Variants in ZNF517 observed in about 807,000 individuals in gnomAD.
The protein encoded by ZNF517 is zinc finger protein 517.
ZNF517 carries 12 observed loss-of-function variants against 12.1 expected under a neutral mutation model. That is an observed-to-expected ratio of 0.99 (90% CI 0.63 to 1.61). The LOEUF (loss-of-function observed/expected upper bound fraction) is 1.61, where lower values mean the gene tolerates loss of function less well. ZNF517 is among the 40% of genes most tolerant of loss of function. The pLI, the probability that ZNF517 is intolerant of heterozygous loss-of-function variation, is 0.00. For synonymous variants in ZNF517, 388 were observed against 310.2 expected, an observed-to-expected ratio of 1.25 and a Z score of -2.63; for missense variants, 781 against 693.2, an observed-to-expected ratio of 1.13 and a Z score of -1.42.
At chr8:144,800,445 T>TC in intron 1 of ZNF517, 7 of 975,478 alleles carry the variant, frequency 7.2e-6, no homozygotes, top group Non-Finnish European at 6.1e-6. Context: ...CCGCTCCTAG[T>TC]CCAAGTCCTA....
intron 2 of ZNF517, 138 bp from the exon 3 acceptor site, chr8:144,803,503 C>A: frequency 8.3e-7 from 1 of 1,211,298 alleles, no homozygotes; most frequent in Non-Finnish European, 1.2e-6. Context: ...TGTTGGGCTG[C>A]CCTTTCTCTG....
chr8:144,803,349 C>T, intron 2 of ZNF517: 1 of 477,862 alleles, frequency 2.1e-6, no homozygotes, highest in Non-Finnish European at 3.8e-6. Context: ...GGTGCTCCTT[C>T]CCCAAATCCC....
intron 4 of ZNF517, among the ~76,000 whole-genome samples, chr8:144,805,035 T>G (rs1282571509): frequency 2.0e-5 from 3 of 152,008 alleles, no homozygotes; most frequent in Admixed American, 6.6e-5. Flanking sequence ...CCACAAGAGG[T>G]GGTGGAGCAG....
At chr8:144,810,936 A>G (rs956417052), downstream of ZNF517, 28 of 152,646 alleles carry the variant, frequency 1.8e-4, no homozygotes, top group African/African-American at 6.7e-4. Flanking sequence ...ATCCAGCCCA[A>G]AGCACAAGCC....
At position 144,807,954 on chromosome 8, in the gene ZNF517, C is replaced by A. The variant is rs535860606; in HGVS notation, c.1038C>A (p.Asp346Glu). The change falls in exon 5 of 5, where the codon GAC becomes GAA. Residue 346 changes from aspartate to glutamate, a missense_variant. Coordinates refer to ENST00000359971, the MANE Select transcript of ZNF517 (RefSeq NM_213605.3). ...HRLHAQEGAQ[D>E]GGVGQGALLG... ...TGCACGCGCAGGAGGGTGCCCAGGA[C>A]GGCGGCGTGGGGCAGGGCGCCCTGC... 1.3e-5 allele frequency: 19 copies of A among 1,501,072 alleles called. No homozygotes were observed. The South Asian group carries it at 2.1e-4, about 17-fold the overall frequency. 93.0% of individuals were successfully genotyped at this position (1,501,072 alleles called of 1,614,324 possible).
At chr8:144,803,187 T>C (rs1827051461) in intron 2 of ZNF517, 2 of 565,530 alleles carry the variant, frequency 3.5e-6, no homozygotes, top group East Asian at 3.0e-5. Flanking sequence ...TGAGCTTCTA[T>C]GGTCAGCCAT....
Position 144,804,156 on chromosome 8 carries a change from C to G in ZNF517, c.192C>G (p.Ser64=), listed in dbSNP as rs1358976364. Residue 64 remains serine (S), a synonymous_variant, in exon 4 of 5, where the codon TCC becomes TCG. Transcript: ENST00000359971. ...TTGTTGCCAAACCAGCACTGATCTC[C>G]CTATTGGAGCAAGGAGAGGAGCCGG... The part of the protein sequence containing the change: ...GFLVAKPALI[S]LLEQGEEPGA... 6.2e-7 allele frequency: 1 copy of G among 1,614,160 alleles called. No homozygotes were observed. The highest frequency in any genetic ancestry group is 1.7e-5 in the Admixed American group (1 of 60,032).
Position 144,807,824 on chromosome 8 carries a change from C to T in ZNF517, c.908C>T (p.Thr303Ile). ...ECGKAFCRRFTLNEHGRIHSG... is the reference protein window; with the variant it reads ...ECGKAFCRRFILNEHGRIHSG... ...GGCAAGGCGTTCTGCCGCAGGTTCACCCTCAACGAGCACGGCCGCATCCAC... is the reference window on the plus strand; with the variant it reads ...GGCAAGGCGTTCTGCCGCAGGTTCATCCTCAACGAGCACGGCCGCATCCAC... The change falls in exon 5 of 5, where the codon ACC (threonine) becomes ATC (isoleucine). Residue 303 changes from threonine (T) to isoleucine (I), a missense_variant. Thr to Ile is a moderately conservative substitution (Grantham distance 89, BLOSUM62 -1). Coordinates refer to ENST00000359971, the MANE Select transcript of ZNF517 (RefSeq NM_213605.3). 1.9e-6 allele frequency: 3 copies of T among 1,607,978 alleles called. No individual in the cohort carries two copies. Among genetic ancestry groups the T allele is most frequent in the Middle Eastern group, 3.3e-4 (2 of 6,034 alleles).
At position 144,808,163 on chromosome 8, in the gene ZNF517, A is replaced by G; in HGVS notation, c.1247A>G (p.Lys416Arg). Residue 416 changes from lysine to arginine, a missense_variant, in exon 5 of 5, where the codon AAG (lysine) becomes AGG (arginine). Lys to Arg is a conservative substitution (Grantham distance 26). Transcript: ENST00000359971. ...GRKSNLTLHQ[K>R]IHTKEKPFAC... The stretch of plus-strand genomic sequence containing the variant: ...AAGTCCAACCTCACTCTGCACCAGA[A>G]GATCCACACCAAGGAGAAGCCCTTC... 1 of 1,609,788 alleles carries G rather than the reference A, an allele frequency of 6.2e-7. No homozygotes were observed.
chr8:144,808,112 C>T lies in ZNF517; in HGVS notation c.1196C>T (p.Ala399Val), dbSNP rs748378057. 5.6e-5 allele frequency: 90 copies of T among 1,607,934 alleles called. No individual in the cohort carries two copies. The highest frequency in any genetic ancestry group is 5.3e-5 in the Non-Finnish European group (63 of 1,177,984). The change falls in exon 5 of 5, where the codon GCG becomes GTG. Residue 399 changes from alanine (A) to valine (V), a missense_variant. Ala to Val is a moderately conservative substitution (Grantham distance 64, BLOSUM62 0). Coordinates refer to ENST00000359971, the MANE Select transcript of ZNF517 (RefSeq NM_213605.3). ...LHTGEKPFEC[A>V]ECGKAFGRKS... is the part of the protein sequence containing the mutation. ...ACGGGCGAGAAGCCGTTCGAGTGCG[C>T]GGAGTGCGGCAAGGCCTTCGGTCGC...
chr8:144,808,437 C>T lies in ZNF517; in HGVS notation c.*42C>T. On this transcript the variant is annotated 3_prime_UTR_variant, in exon 5 of 5. Transcript: ENST00000359971. The stretch of plus-strand genomic sequence containing the variant: ...CCGAGGATTCACGCTGGAAGCCCAC[C>T]CAAGCCGGCGGGGCCCTAGCGCAGA... The T allele has an allele frequency of 6.9e-7, 1 of 1,439,220 alleles. No individual in the cohort carries two copies. The highest frequency in any genetic ancestry group is 1.5e-5 in the African/African-American group (1 of 68,426). 89.2% of individuals were successfully genotyped at this position (1,439,220 alleles called of 1,614,324 possible). A position where few individuals can be genotyped will look rare whatever the true frequency, so the allele number is the denominator to read the frequency against.
In ZNF517 at chr8:144,808,182, G is replaced by C. The variant is rs781613312; in HGVS notation, c.1266G>C (p.Lys422Asn). 2.5e-6 allele frequency: 4 copies of C among 1,610,232 alleles called. No individual in the cohort carries two copies. Among genetic ancestry groups the C allele is most frequent in the Non-Finnish European group, 3.4e-6 (4 of 1,178,402 alleles). Residue 422 changes from lysine to asparagine, a missense_variant, in exon 5 of 5, where the codon AAG becomes AAC. Lys to Asn is a moderately conservative substitution (Grantham distance 94). Transcript: ENST00000359971. Reference sequence around the variant, plus strand: ...ACCAGAAGATCCACACCAAGGAGAAGCCCTTCGCGTGCACCGAGTGCGGCA... The same window carrying C: ...ACCAGAAGATCCACACCAAGGAGAACCCCTTCGCGTGCACCGAGTGCGGCA... ...TLHQKIHTKE[K>N]PFACTECGKA...
At chr8:144,802,408 A>G (rs961402638) in intron 1 of ZNF517, among the ~76,000 whole-genome samples, 1 of 152,244 alleles carries the variant, frequency 6.6e-6, no homozygotes, top group Non-Finnish European at 1.5e-5. Flanking sequence ...TGCTCTAACC[A>G]GTCACGCTTT....
At chr8:144,803,196 A>G (rs570270720) in intron 2 of ZNF517, 78 of 558,610 alleles carry the variant, frequency 1.4e-4, no homozygotes, top group Admixed American at 9.5e-5. Context: ...ATGGTCAGCC[A>G]TTGAGGGCAG....
chr8:144,807,093 G>C (rs1827259801), intron 4 of ZNF517, 98 bp from the exon 5 acceptor site: 1 of 1,441,958 alleles, frequency 6.9e-7, no homozygotes, highest in African/African-American at 1.4e-5. Flanking sequence ...GGGTGTTGGG[G>C]GAAGACTTGG....
In ZNF517 at chr8:144,807,577, C is replaced by T. The variant is rs749787913; in HGVS notation, c.661C>T (p.Leu221=). The part of the protein sequence containing the change: ...GKAFKQSSIL[L]RHQLIHTEEK... ...GGCCTTCAAGCAAAGCTCCATCCTGCTGCGGCACCAGCTGATCCACACTGA... is the reference window on the plus strand; with the variant it reads ...GGCCTTCAAGCAAAGCTCCATCCTGTTGCGGCACCAGCTGATCCACACTGA... Residue 221 remains leucine (L), a synonymous_variant, in exon 5 of 5, where the codon CTG becomes TTG. Coordinates refer to ENST00000359971, the MANE Select transcript of ZNF517 (RefSeq NM_213605.3). 5 of 1,602,372 alleles carry T rather than the reference C, an allele frequency of 3.1e-6. No individual in the cohort carries two copies. The South Asian group carries it at 3.3e-5, about 11-fold the overall frequency.
intron 1 of ZNF517, among the ~76,000 whole-genome samples, chr8:144,801,750 G>A (rs1826973459): frequency 1.3e-5 from 2 of 152,198 alleles, no homozygotes; most frequent in Admixed American, 1.3e-4. Flanking sequence ...AATAGAAAGA[G>A]GCCGGGTGTG....
intron 4 of ZNF517, among the ~76,000 whole-genome samples, chr8:144,804,869 T>G (rs983781457): frequency 6.6e-6 from 1 of 152,208 alleles, no homozygotes; most frequent in Non-Finnish European, 1.5e-5. Context: ...TTTTAGTACT[T>G]TCACTAATTC....
In ZNF517 at chr8:144,807,539, C is replaced by G. The variant is rs751881687; in HGVS notation, c.623C>G (p.Thr208Arg). The G allele has an allele frequency of 3.1e-5, 49 of 1,597,218 alleles. No homozygotes were observed. In the South Asian group the frequency reaches 5.4e-4, roughly 18 times the overall value. ...ACCGGCGCCAAGCCCTTCCAGTGCA[C>G]AGAGTGCGGGAAGGCCTTCAAGCAA... is the stretch of plus-strand genomic sequence containing the variant. Reference protein sequence around the residue: ...IHTGAKPFQCTECGKAFKQSS... With the variant: ...IHTGAKPFQCRECGKAFKQSS... Residue 208 changes from threonine (T) to arginine (R), a missense_variant, in exon 5 of 5, where the codon ACA becomes AGA. By Grantham distance (71) the Thr-to-Arg change is moderately conservative. Coordinates refer to ENST00000359971, the MANE Select transcript of ZNF517 (RefSeq NM_213605.3).
Sources: gnomAD v4.1 joint callset for allele counts (sites outside exome capture counted in the v4.1 genomes callset) on GRCh38, gnomAD v4.1.1 for gene constraint, MANE v1.5 for transcripts, NCBI Gene and HGNC (gene_info 2026-07-23, HGNC 2026-07-21) for gene names.